TMBIM6: variants seen among roughly 807,000 people sequenced by gnomAD.
TMBIM6 encodes transmembrane BAX inhibitor motif containing 6.
Under a neutral mutation model 31.4 loss-of-function variants are expected in TMBIM6, and 13 were observed. That is an observed-to-expected ratio of 0.41 (90% CI 0.27 to 0.66). The LOEUF is 0.66. Ranked by LOEUF, TMBIM6 falls within the 30% of genes least tolerant of loss-of-function variation. The pLI, the probability that TMBIM6 is intolerant of heterozygous loss-of-function variation, is 0.28. For missense variants in TMBIM6, 275 were observed against 289.5 expected (o/e 0.95, Z 0.36); for synonymous variants, 85 against 101.7 (o/e 0.84, Z 0.99).
At chr12:49,762,627 T>G (rs1304664770) in intron 9 of TMBIM6, among the ~76,000 whole-genome samples, 2 of 152,120 alleles carry the variant, frequency 1.3e-5, no homozygotes, top group Non-Finnish European at 2.9e-5. Context: ...GCAGCCCACC[T>G]CGGCACTCCT....
intron 1 of TMBIM6, chr12:49,744,384 T>C (rs963787249): frequency 2.0e-5 from 3 of 152,204 alleles, no homozygotes; most frequent in Admixed American, 6.5e-5. Context: ...GGTAGAAATG[T>C]CTTCTACCAC....
At chr12:49,762,834 T>C (rs1406745362) in intron 9 of TMBIM6, 39 bp from the exon 10 acceptor site, 1 of 1,605,452 alleles carries the variant, frequency 6.2e-7, no homozygotes, top group Non-Finnish European at 8.5e-7. Flanking sequence ...GAATGTCAAA[T>C]GTCAAAAAAT....
At chr12:49,742,238 AC>A in intron 1 of TMBIM6, 1 of 1,612,674 alleles carries the variant, frequency 6.2e-7, no homozygotes. Context: ...TTCCAGGCCC[AC>A]GGGGCGGCCC....
At position 49,759,736 on chromosome 12, in the gene TMBIM6, G is replaced by A. The variant is rs543375157; in HGVS notation, c.614+415G>A. Among the ~76,000 whole-genome samples, 7 of 151,842 alleles carry A rather than the reference G, an allele frequency of 4.6e-5. No homozygotes were observed. In the East Asian group the frequency reaches 1.2e-3, roughly 25 times the overall value. On this transcript the variant is annotated intron_variant, in intron 8 of 9. Transcript: ENST00000267115. ...GTATAAGAATCATTTGAACCTAGGAGGTGGAGGTTGAAGTGAGCCAAGATT... is the reference window on the plus strand; with the variant it reads ...GTATAAGAATCATTTGAACCTAGGAAGTGGAGGTTGAAGTGAGCCAAGATT...
intron 1 of TMBIM6, among the ~76,000 whole-genome samples, chr12:49,747,221 A>T (rs568819152): frequency 6.6e-6 from 1 of 152,174 alleles, no homozygotes; most frequent in Non-Finnish European, 1.5e-5. Context: ...AAGGTTCAGG[A>T]TGGTTGAATT....
chr12:49,749,763 T>A (rs1473737352), intron 1 of TMBIM6: 1 of 152,224 alleles, frequency 6.6e-6, no homozygotes, highest in African/African-American at 2.4e-5. Context: ...AACGATATTT[T>A]TAATTTACAA....
chr12:49,741,950 A>C, intron 1 of TMBIM6: 1 of 832,148 alleles, frequency 1.2e-6, no homozygotes, highest in Non-Finnish European at 1.8e-6. Context: ...TCCTCTACTA[A>C]GTGTAGACGC....
rs373128507 is a variant in TMBIM6 at position 49,761,770 on chromosome 12, G to T, written c.681G>T (p.Met227Ile). 2 of 1,614,080 alleles carry T rather than the reference G, an allele frequency of 1.2e-6. No individual in the cohort carries two copies. The highest frequency in any genetic ancestry group is 2.7e-5 in the African/African-American group (2 of 74,940). The change falls in exon 9 of 10, where the codon ATG becomes ATT. Residue 227 changes from methionine (M) to isoleucine (I), a missense_variant. Physicochemically the swap from Met to Ile is conservative, Grantham distance 10. Transcript: ENST00000267115. ...VFRKLMMILA[M>I]NEKDKKKEKK ...GAAAACTCATGATGATCCTGGCCAT[G>T]AATGAAAAGGTTAGTTAGCCTACAA...
At chr12:49,754,183 TGTG>T (rs1945547455) in intron 3 of TMBIM6, among the ~76,000 whole-genome samples, 1 of 152,148 alleles carries the variant, frequency 6.6e-6, no homozygotes, top group Non-Finnish European at 1.5e-5. Context: ...GTGGAGGTCT[TGTG>T]GTGTCGTCCT....
chr12:49,742,479 G>A (rs1945315550), intron 1 of TMBIM6: 1 of 601,464 alleles, frequency 1.7e-6, no homozygotes, highest in South Asian at 3.0e-5. Context: ...GGGGTCATCA[G>A]CCTTTCATTG....
intron 1 of TMBIM6, chr12:49,750,853 T>C (rs561862663): frequency 6.6e-6 from 1 of 152,362 alleles, no homozygotes; most frequent in Non-Finnish European, 1.5e-5. Flanking sequence ...GGAAATTTGT[T>C]TGGGGACTGT....
intron 4 of TMBIM6, among the ~76,000 whole-genome samples, chr12:49,756,326 G>A (rs1747122024): frequency 6.6e-6 from 1 of 151,680 alleles, no homozygotes; most frequent in African/African-American, 2.4e-5. Context: ...AGTAGAGATG[G>A]GGTTTTACCA....
intron 1 of TMBIM6, among the ~76,000 whole-genome samples, chr12:49,747,662 T>A (rs1158653015): frequency 6.6e-6 from 1 of 152,194 alleles, no homozygotes; most frequent in East Asian, 1.9e-4. Context: ...TTTATTGTCT[T>A]CATAATAAAA....
At chr12:49,754,643 A>C (rs1945555782) in intron 3 of TMBIM6, among the ~76,000 whole-genome samples, 1 of 152,192 alleles carries the variant, frequency 6.6e-6, no homozygotes, top group Non-Finnish European at 1.5e-5. Flanking sequence ...CTGAATAATG[A>C]GAATCAACTT....
intron 3 of TMBIM6, among the ~76,000 whole-genome samples, chr12:49,754,231 C>T (rs529694119): frequency 4.6e-4 from 70 of 152,234 alleles, no homozygotes; most frequent in Admixed American, 2.2e-3. Context: ...AATTGATCCT[C>T]GCACCTCAGC....
chr12:49,758,992 TG>T (rs936986996), intron 7 of TMBIM6: 1 of 624,664 alleles, frequency 1.6e-6, no homozygotes, highest in African/African-American at 1.8e-5. Flanking sequence ...AAGGCCAGTC[TG>T]GCAGTGGCTG....
Position 49,752,388 on chromosome 12 carries a change from T to G in TMBIM6, c.-30-76T>G, listed in dbSNP as rs905530580. On this transcript the variant is annotated intron_variant, in intron 1 of 9. Coordinates refer to ENST00000267115, the MANE Select transcript of TMBIM6 (RefSeq NM_003217.3). ...TTTTCATCTTTCTGAACTTACATGT[T>G]GCTTTTTTTTTTTTTTATAAGCTGT... 4 of 1,080,226 alleles carry G rather than the reference T, an allele frequency of 3.7e-6. No homozygotes were observed. The African/African-American group carries it at 5.2e-5, about 14-fold the overall frequency. The allele number at this position is 1,080,226 out of a possible 1,614,324, so 66.9% of individuals were successfully genotyped here.
At chr12:49,759,183 T>G in intron 7 of TMBIM6, 38 bp from the exon 8 acceptor site, 1 of 1,565,482 alleles carries the variant, frequency 6.4e-7, no homozygotes. Context: ...TCTCTGCAAC[T>G]TCTGCTGTAT....
In TMBIM6 at chr12:49,742,224, TGCCTTCCAGGCCCACGGGGCG is replaced by T. The variant is rs746207236; in HGVS notation, c.-31+617_-31+637del. The T allele has an allele frequency of 1.7e-5, 28 of 1,613,296 alleles. No homozygotes were observed. In the South Asian group the frequency reaches 2.9e-4, roughly 16 times the overall value. On this transcript the variant is annotated intron_variant, in intron 1 of 9. Coordinates refer to ENST00000267115, the MANE Select transcript of TMBIM6 (RefSeq NM_003217.3). ...AGTGAGAGGAGTCTGGGGCTGGGGC[TGCCTTCCAGGCCCACGGGGCG>T]GCCCCGCTCTTTTCGGATTGGTTAC...
Sources: allele counts gnomAD v4.1 joint callset (sites outside exome capture counted in the v4.1 genomes callset), GRCh38; gene constraint gnomAD v4.1.1; transcripts MANE v1.5; gene names NCBI Gene and HGNC (gene_info 2026-07-23, HGNC 2026-07-21).